Variants in USP45 observed in about 807,000 individuals in gnomAD.
The protein encoded by USP45 is ubiquitin carboxyl-terminal hydrolase 45.
Under a neutral mutation model 95.8 loss-of-function variants are expected in USP45, and 89 were observed. The ratio of observed to expected loss-of-function variants is 0.93; its 90% CI spans 0.78 to 1.11. The LOEUF (loss-of-function observed/expected upper bound fraction) is 1.11. Among genes scored for constraint, USP45 ranks in the 50% least tolerant of loss-of-function variants. The pLI, the probability that USP45 is intolerant of heterozygous loss-of-function variation, is 0.00. For missense variants in USP45, 898 were observed against 942.5 expected (o/e 0.95, Z 0.62); for synonymous variants, 281 against 316.2 (o/e 0.89, Z 1.18).
At chr6:99,467,076 A>G (rs1788155499) in intron 10 of USP45, among the ~76,000 whole-genome samples, 1 of 152,178 alleles carries the variant, frequency 6.6e-6, no homozygotes, top group Admixed American at 6.5e-5. Context: ...TCTAACCAAT[A>G]AGTACCCAGA....
chr6:99,476,404 G>C (rs916813466), intron 8 of USP45, among the ~76,000 whole-genome samples, 174 bp from the exon 9 acceptor site: 1 of 152,114 alleles, frequency 6.6e-6, no homozygotes, highest in African/African-American at 2.4e-5. Context: ...TCAGGAGTTC[G>C]AGACCAGCCT....
intron 17 of USP45, 104 bp downstream of exon 17, chr6:99,437,142 G>C: frequency 8.4e-7 from 1 of 1,187,290 alleles, no homozygotes; most frequent in East Asian, 2.4e-5. Flanking sequence ...AAGCAAGCAA[G>C]CAAATCCACT....
rs532749485 is a variant in USP45 at position 99,511,438 on chromosome 6, C to A, written c.-10-1208G>T. On this transcript the variant is annotated intron_variant, in intron 1 of 17. Coordinates refer to ENST00000500704, the MANE Select transcript of USP45 (RefSeq NM_001346022.3). Reference sequence around the variant, plus strand: ...AAAGTGCTGGGATTACAGGCGTGAGCCACCGTGCCCGGCTATTATTATTTT... The same window carrying A: ...AAAGTGCTGGGATTACAGGCGTGAGACACCGTGCCCGGCTATTATTATTTT... 5.9e-5 allele frequency among the ~76,000 whole-genome samples: 9 copies of A among 152,170 alleles called. No individual in the cohort carries two copies. In the South Asian group the frequency reaches 1.9e-3, roughly 32 times the overall value.
At chr6:99,511,110 C>T (rs1799675964) in intron 1 of USP45, among the ~76,000 whole-genome samples, 2 of 152,052 alleles carry the variant, frequency 1.3e-5, no homozygotes, top group African/African-American at 4.8e-5. Context: ...AAATTTTAAA[C>T]ATCTACAAAA....
At chr6:99,444,160 T>C (rs1782042133) in intron 14 of USP45, among the ~76,000 whole-genome samples, 1 of 152,008 alleles carries the variant, frequency 6.6e-6, no homozygotes, top group South Asian at 2.1e-4. Flanking sequence ...TACAGGTGCA[T>C]GCCACCCCAC....
At chr6:99,447,894 C>T (rs868499421) in intron 13 of USP45, among the ~76,000 whole-genome samples, 2 of 152,190 alleles carry the variant, frequency 1.3e-5, no homozygotes, top group African/African-American at 2.4e-5. Context: ...CAGCAATATT[C>T]GCTGTTCTGC....
intron 8 of USP45, among the ~76,000 whole-genome samples, chr6:99,480,414 G>A (rs183474381): frequency 9.2e-5 from 14 of 152,228 alleles, no homozygotes; most frequent in Non-Finnish European, 1.8e-4. Flanking sequence ...AGTGGCTCAC[G>A]CCTGTAACCC....
At chr6:99,467,172 G>A (rs1788173770) in intron 10 of USP45, among the ~76,000 whole-genome samples, 1 of 152,012 alleles carries the variant, frequency 6.6e-6, no homozygotes, top group African/African-American at 2.4e-5. Context: ...GCAAGTGTAA[G>A]GAATTAACAT....
At chr6:99,458,955 C>T (rs1562335461) in intron 13 of USP45, among the ~76,000 whole-genome samples, 1 of 152,114 alleles carries the variant, frequency 6.6e-6, no homozygotes, top group Non-Finnish European at 1.5e-5. Flanking sequence ...AAGTCACAGA[C>T]TTGTTTTTGT....
chr6:99,494,039 C>T (rs1795773687), intron 5 of USP45, among the ~76,000 whole-genome samples: 1 of 152,072 alleles, frequency 6.6e-6, no homozygotes, highest in Non-Finnish European at 1.5e-5. Flanking sequence ...ACAAACTATA[C>T]AAAATTTTTA....
chr6:99,485,364 A>T (rs1257245927), intron 7 of USP45, among the ~76,000 whole-genome samples: 2 of 152,112 alleles, frequency 1.3e-5, no homozygotes, highest in African/African-American at 4.8e-5. Flanking sequence ...ATAAAATAAA[A>T]ATAAAAAATA....
At chr6:99,507,079 C>T (rs370179813) in intron 4 of USP45, among the ~76,000 whole-genome samples, 15 of 152,204 alleles carry the variant, frequency 9.9e-5, no homozygotes, top group African/African-American at 3.6e-4. Flanking sequence ...TGGCGGCATG[C>T]GCCTGTGGTC....
intron 9 of USP45, among the ~76,000 whole-genome samples, chr6:99,470,956 T>C (rs1789250730): frequency 6.6e-6 from 1 of 152,172 alleles, no homozygotes; most frequent in East Asian, 1.9e-4. Flanking sequence ...ATTTTTGATA[T>C]GATTTAATGA....
At chr6:99,483,005 C>T (rs537383463) in intron 7 of USP45, 122 bp from the exon 8 acceptor site, 2 of 769,340 alleles carry the variant, frequency 2.6e-6, no homozygotes, top group East Asian at 3.4e-5. Context: ...TATTAAGAAA[C>T]TTTATTATTT....
At chr6:99,515,190 T>G (rs948609547) in intron 1 of USP45, 1 of 152,330 alleles carries the variant, frequency 6.6e-6, no homozygotes. Context: ...CGCAGCCGCA[T>G]GGACCCGGAG....
rs773687208 is a variant in USP45 at position 99,484,004 on chromosome 6, GT to G, written c.715-1122del. Reference sequence around the variant, plus strand: ...AAAGGACAGGCTATAATTTTCCATAGTTTTTTTTTTTTTTTTTTTTTAAAGA... The same window carrying G: ...AAAGGACAGGCTATAATTTTCCATAGTTTTTTTTTTTTTTTTTTTTAAAGA... On this transcript the variant is annotated intron_variant, in intron 7 of 17. Transcript: ENST00000500704. Among the ~76,000 whole-genome samples, 203 of 91,460 alleles carry G rather than the reference GT, an allele frequency of 2.2e-3. 3 individuals carry two copies. In the East Asian group the frequency reaches 0.03, roughly 13 times the overall value. 60.0% of individuals were successfully genotyped at this position (91,460 alleles called of 152,430 possible). A position where few individuals can be genotyped will look rare whatever the true frequency, so the allele number is the denominator to read the frequency against.
chr6:99,504,163 CAG>C lies in USP45; in HGVS notation c.378-300_378-299del, dbSNP rs376395496. ...CTTTATTTATTTTTTATTTTTGAGA[CAG>C]AGTCTCGCTCTGTTTCCCAGGCTGG... On this transcript the variant is annotated intron_variant, in intron 4 of 17. Coordinates refer to ENST00000500704, the MANE Select transcript of USP45 (RefSeq NM_001346022.3). Among the ~76,000 whole-genome samples, 32 of 152,292 alleles carry C rather than the reference CAG, an allele frequency of 2.1e-4. 1 individual carries two copies. In the South Asian group the frequency reaches 5.4e-3, roughly 26 times the overall value.
At chr6:99,478,233 T>G (rs796098492) in intron 8 of USP45, among the ~76,000 whole-genome samples, 4 of 149,978 alleles carry the variant, frequency 2.7e-5, no homozygotes, top group East Asian at 1.9e-4. Context: ...TTTTTTTTTT[T>G]TTTTTTTTTT....
At chr6:99,506,655 G>T (rs1206872691) in intron 4 of USP45, among the ~76,000 whole-genome samples, 1 of 152,052 alleles carries the variant, frequency 6.6e-6, no homozygotes, top group East Asian at 1.9e-4. Context: ...ACCACAAAAA[G>T]GTAAATATTA....
Sources: allele counts gnomAD v4.1 joint callset (sites outside exome capture counted in the v4.1 genomes callset), GRCh38; gene constraint gnomAD v4.1.1; transcripts MANE v1.5; gene names NCBI Gene and HGNC (gene_info 2026-07-23, HGNC 2026-07-21).